The following ABCD2 variants were observed in gnomAD, a reference collection of about 807,000 sequenced individuals.
The protein encoded by ABCD2 is ATP binding cassette subfamily D member 2.
ABCD2 carries 36 observed loss-of-function variants against 70.9 expected under a neutral mutation model. The ratio of observed to expected loss-of-function variants is 0.51; its 90% confidence interval spans 0.39 to 0.67. The LOEUF (loss-of-function observed/expected upper bound fraction) is 0.67. ABCD2 is among the 30% of genes least tolerant of loss of function. ABCD2 has a pLI of 0.00. For synonymous variants in ABCD2, 304 were observed against 306.9 expected (o/e 0.99, Z 0.10); for missense variants, 729 against 890.2 (o/e 0.82, Z 2.30).
rs563140586 is a variant in ABCD2 at position 39,571,244 on chromosome 12, A to T, written c.2003+2472T>A. On this transcript the variant is annotated intron_variant, in intron 9 of 9. Coordinates refer to ENST00000308666, the MANE Select transcript of ABCD2 (RefSeq NM_005164.4). ...GAATATATGCAAAGGAAATGATCTC[A>T]GTATGTCAAAGAGATAACTGCACTC... Among the ~76,000 whole-genome samples, 6 of 152,312 alleles carry T rather than the reference A, an allele frequency of 3.9e-5. No homozygotes were observed. The South Asian group carries it at 1.2e-3, about 32-fold the overall frequency.
At position 39,573,730 on chromosome 12, in the gene ABCD2, G is replaced by C. The variant is rs1159608221; in HGVS notation, c.1989C>G (p.His663Gln). Residue 663 changes from histidine (H) to glutamine (Q), a missense_variant, in exon 9 of 10, where the codon CAC becomes CAG. Coordinates refer to ENST00000308666, the MANE Select transcript of ABCD2 (RefSeq NM_005164.4). ...GAAACACTTACCAAAGAGAAGGTCTGTGTGTTATAGACAGTAAGGAAATTC... is the reference window on the plus strand; with the variant it reads ...GAAACACTTACCAAAGAGAAGGTCTCTGTGTTATAGACAGTAAGGAAATTC... ...GAGISLLSITHRPSLWKYHTH... is the reference protein window; with the variant it reads ...GAGISLLSITQRPSLWKYHTH... The C allele has an allele frequency of 3.1e-6, 5 of 1,611,164 alleles. No homozygotes were observed. Among genetic ancestry groups the C allele is most frequent in the Admixed American group, 3.3e-5 (2 of 59,818 alleles).
chr12:39,613,259 G>C (rs12312309), intron 2 of ABCD2, among the ~76,000 whole-genome samples: 1 of 122,204 alleles, frequency 8.2e-6, no homozygotes, highest in Non-Finnish European at 1.6e-5. Flanking sequence ...AGTGGCGGGC[G>C]CCTGTAGTCC....
At chr12:39,611,938 T>C (rs1942049981) in intron 2 of ABCD2, among the ~76,000 whole-genome samples, 1 of 152,026 alleles carries the variant, frequency 6.6e-6, no homozygotes, top group Non-Finnish European at 1.5e-5. Flanking sequence ...AGCAAAAGAC[T>C]TACAGGCACG....
chr12:39,541,484 G>C, the ABCD2 span, among the ~76,000 whole-genome samples: 10 of 152,204 alleles, frequency 6.6e-5, no homozygotes. Context: ...CAGAAAGTGT[G>C]CTTCAAGAAG....
Position 39,573,748 on chromosome 12 carries a change from G to C in ABCD2, c.1971C>G (p.Ser657=), listed in dbSNP as rs758559396. The change falls in exon 9 of 10, where the codon TCC becomes TCG. Residue 657 remains serine, a synonymous_variant. Coordinates refer to ENST00000308666, the MANE Select transcript of ABCD2 (RefSeq NM_005164.4). ...IFQAAKGAGI[S]LLSITHRPSL... is the part of the protein sequence containing the mutation. ...AAGGTCTGTGTGTTATAGACAGTAA[G>C]GAAATTCCAGCCCCTTTTGCAGCCT... 1 of 1,613,278 alleles carries C rather than the reference G, an allele frequency of 6.2e-7. No homozygotes were observed.
chr12:39,561,594 T>C (rs1208375090), intron 9 of ABCD2, among the ~76,000 whole-genome samples: 1 of 152,056 alleles, frequency 6.6e-6, no homozygotes, highest in Non-Finnish European at 1.5e-5. Context: ...GTGAAAGCTA[T>C]AAAAGAGGCC....
At chr12:39,562,456 AAAAG>A (rs1443680114) in intron 9 of ABCD2, among the ~76,000 whole-genome samples, 1 of 152,120 alleles carries the variant, frequency 6.6e-6, no homozygotes, top group Non-Finnish European at 1.5e-5. Context: ...AGAATAAGAA[AAAAG>A]AAAGAAGATT....
chr12:39,542,326 G>T, the ABCD2 span, among the ~76,000 whole-genome samples: 1 of 152,000 alleles, frequency 6.6e-6, no homozygotes, highest in African/African-American at 2.4e-5. Flanking sequence ...AGCCAGTTGT[G>T]GTGGCACGAA....
At chr12:39,612,604 A>G (rs1942060077) in intron 2 of ABCD2, among the ~76,000 whole-genome samples, 1 of 152,244 alleles carries the variant, frequency 6.6e-6, no homozygotes, top group African/African-American at 2.4e-5. Context: ...ATTGGCATAT[A>G]TGCTATACTT....
chr12:39,578,636 T>TGATA (rs910695130), intron 8 of ABCD2, among the ~76,000 whole-genome samples: 2 of 151,324 alleles, frequency 1.3e-5, no homozygotes, highest in African/African-American at 4.9e-5. Flanking sequence ...GTCTTCTGCT[T>TGATA]GATATCCTTA....
chr12:39,587,515 C>T (rs530521065), intron 6 of ABCD2, among the ~76,000 whole-genome samples: 1 of 152,112 alleles, frequency 6.6e-6, no homozygotes, highest in African/African-American at 2.4e-5. Context: ...AAAATCTTCC[C>T]GGTTGAGAAC....
chr12:39,540,532 G>T, the ABCD2 span, among the ~76,000 whole-genome samples: 17 of 152,230 alleles, frequency 1.1e-4, no homozygotes, highest in South Asian at 6.2e-4. Context: ...AATCTCTATT[G>T]ACAGCACTAG....
At chr12:39,577,171 A>T (rs906873857) in intron 8 of ABCD2, among the ~76,000 whole-genome samples, 3 of 152,128 alleles carry the variant, frequency 2.0e-5, no homozygotes, top group African/African-American at 7.2e-5. Flanking sequence ...ATAAGATAAC[A>T]GCTAATGAGA....
chr12:39,613,100 T>C lies in ABCD2; in HGVS notation c.1120+3888A>G, dbSNP rs543585962. Among the ~76,000 whole-genome samples, 42 of 138,142 alleles carry C rather than the reference T, an allele frequency of 3.0e-4. 6 individuals carry two copies. The highest frequency in any genetic ancestry group is 4.4e-4 in the Non-Finnish European group (29 of 65,802). The allele number at this position is 138,142 out of a possible 152,430, so 90.6% of individuals were successfully genotyped here. A position where few individuals can be genotyped will look rare whatever the true frequency, so the allele number is the denominator to read the frequency against. ...GCCTACTAATGTTAAAGAATTGAGG[T>C]TGTGGGCCGGGCGCGGTGGCTCACG... On this transcript the variant is annotated intron_variant, in intron 2 of 9. Transcript: ENST00000308666.
the ABCD2 span, among the ~76,000 whole-genome samples, chr12:39,533,865 G>A: frequency 1.3e-5 from 2 of 152,092 alleles, no homozygotes; most frequent in East Asian, 3.9e-4. Flanking sequence ...CTAGCCTTTG[G>A]CTATAGATAC....
intron 9 of ABCD2, among the ~76,000 whole-genome samples, chr12:39,555,852 G>C (rs540620487): frequency 0.014 from 2,091 of 152,268 alleles, 59 homozygotes; most frequent in African/African-American, 0.047. Context: ...GCCCACAGTG[G>C]CAGGCAGGAC....
downstream of ABCD2, among the ~76,000 whole-genome samples, chr12:39,545,799 A>T (rs944642625): frequency 2.6e-5 from 4 of 152,116 alleles, no homozygotes; most frequent in Non-Finnish European, 4.4e-5. Context: ...TTGGCTTGAT[A>T]ATAGTAAGAG....
At chr12:39,618,368 T>A in intron 1 of ABCD2, among the ~76,000 whole-genome samples, 1 of 152,202 alleles carries the variant, frequency 6.6e-6, no homozygotes, top group East Asian at 1.9e-4. Context: ...AAGTTGGGAT[T>A]TAAGTTTTAA....
At chr12:39,582,040 A>T (rs1178344424) in intron 7 of ABCD2, among the ~76,000 whole-genome samples, 2 of 152,236 alleles carry the variant, frequency 1.3e-5, no homozygotes, top group East Asian at 3.8e-4. Flanking sequence ...TAGCTAGTCT[A>T]AACAGAACTT....
Sources: allele counts gnomAD v4.1 joint callset (sites outside exome capture counted in the v4.1 genomes callset), GRCh38; gene constraint gnomAD v4.1.1; transcripts MANE v1.5; gene names NCBI Gene and HGNC (gene_info 2026-07-23, HGNC 2026-07-21).